Variants in RANBP2 observed in about 807,000 individuals in gnomAD.
RANBP2 encodes RAN binding protein 2.
Under a neutral mutation model 303.6 loss-of-function variants are expected in RANBP2, and 57 were observed. The observed-to-expected ratio is 0.19, with a 90% CI of 0.15 to 0.23. The LOEUF (loss-of-function observed/expected upper bound fraction) is 0.23. Ranked by LOEUF, RANBP2 falls within the 10% of genes least tolerant of loss-of-function variation. RANBP2 has a pLI of 1.00. For synonymous variants in RANBP2, 1,167 were observed against 1,301.5 expected, an observed-to-expected ratio of 0.90 and a Z score of 2.23; for missense variants, 3,138 against 3,780.8, an observed-to-expected ratio of 0.83 and a Z score of 4.46.
the RANBP2 span, among the ~76,000 whole-genome samples, chr2:109,132,922 A>G: frequency 1.3e-5 from 2 of 152,260 alleles, no homozygotes; most frequent in African/African-American, 2.4e-5. Flanking sequence ...GTGATTTAAT[A>G]AGGACTTGAA....
downstream of RANBP2, chr2:108,786,627 T>C: frequency 1.6e-6 from 1 of 619,256 alleles, no homozygotes; most frequent in East Asian, 3.0e-5. Context: ...AGGTGTGTAG[T>C]GCTAGCACGA....
chr2:109,460,459 A>G, the RANBP2 span, among the ~76,000 whole-genome samples: 115 of 152,252 alleles, frequency 7.6e-4, no homozygotes, highest in African/African-American at 2.4e-3. Context: ...GGTGAGTGGA[A>G]ATCCATGATG....
chr2:109,352,141 A>G, the RANBP2 span, among the ~76,000 whole-genome samples: 1 of 152,202 alleles, frequency 6.6e-6, no homozygotes, highest in African/African-American at 2.4e-5. Flanking sequence ...TTAGGATTAC[A>G]TGAGCAAAGG....
the RANBP2 span, chr2:109,449,312 G>A: frequency 1.3e-5 from 21 of 1,606,534 alleles, no homozygotes; most frequent in South Asian, 4.5e-5. Flanking sequence ...ACCAGCCCCC[G>A]GTGCAGATGT....
At chr2:109,129,245 C>T in the RANBP2 span, 2 of 573,706 alleles carry the variant, frequency 3.5e-6, no homozygotes, top group East Asian at 8.3e-5. Flanking sequence ...CACCCCCGGT[C>T]CCCCGCGCGG....
the RANBP2 span, among the ~76,000 whole-genome samples, chr2:109,318,027 G>A: frequency 6.6e-6 from 1 of 151,656 alleles, no homozygotes; most frequent in African/African-American, 2.4e-5. Context: ...AAAAAGCAAA[G>A]GGCAGGGAGG....
chr2:109,458,572 C>CAGAGAGAGAGAGAGAGAGAGAGAG, the RANBP2 span, among the ~76,000 whole-genome samples: 4,421 of 122,788 alleles, frequency 0.036, 517 homozygotes, highest in African/African-American at 0.039. Flanking sequence ...CAGCAGGAGA[C>CAGAGAGAGAGAGAGAGAGAGAGAG]AGAGAGAGAG....
chr2:109,556,119 T>A, the RANBP2 span, among the ~76,000 whole-genome samples: 1 of 152,194 alleles, frequency 6.6e-6, no homozygotes, highest in East Asian at 1.9e-4. Flanking sequence ...AGGAGGAAGA[T>A]TTAACCAGCA....
chr2:109,114,497 A>T, the RANBP2 span, among the ~76,000 whole-genome samples: 2 of 151,406 alleles, frequency 1.3e-5, no homozygotes, highest in African/African-American at 4.9e-5. Flanking sequence ...ATCATTTTTT[A>T]TTGCGTCTAT....
the RANBP2 span, among the ~76,000 whole-genome samples, chr2:108,880,618 C>G: frequency 6.6e-6 from 1 of 152,176 alleles, no homozygotes; most frequent in Non-Finnish European, 1.5e-5. Flanking sequence ...ATCCTAGGGC[C>G]CTTAAGAATT....
chr2:109,025,606 G>A, the RANBP2 span, among the ~76,000 whole-genome samples: 1 of 152,096 alleles, frequency 6.6e-6, no homozygotes, highest in Non-Finnish European at 1.5e-5. Context: ...AGGAGATCAA[G>A]AGCATCCTGG....
At chr2:109,132,627 C>T in the RANBP2 span, among the ~76,000 whole-genome samples, 2 of 152,192 alleles carry the variant, frequency 1.3e-5, no homozygotes, top group Non-Finnish European at 2.9e-5. Context: ...TTGGCAAATA[C>T]TATATGTGTG....
At chr2:109,181,005 T>C in the RANBP2 span, among the ~76,000 whole-genome samples, 1 of 152,192 alleles carries the variant, frequency 6.6e-6, no homozygotes, top group African/African-American at 2.4e-5. Flanking sequence ...CAATCCTACT[T>C]ACCAATTTTC....
At chr2:109,206,348 G>A in the RANBP2 span, among the ~76,000 whole-genome samples, 1 of 151,800 alleles carries the variant, frequency 6.6e-6, no homozygotes, top group South Asian at 2.1e-4. Context: ...AAAATTTGCC[G>A]GGCTTGGTGG....
the RANBP2 span, among the ~76,000 whole-genome samples, chr2:109,218,499 A>G: frequency 6.6e-6 from 1 of 152,210 alleles, no homozygotes; most frequent in Non-Finnish European, 1.5e-5. Context: ...TTAGGCAGAA[A>G]TAGAAGAGCA....
At chr2:109,079,978 G>A in the RANBP2 span, among the ~76,000 whole-genome samples, 1 of 152,174 alleles carries the variant, frequency 6.6e-6, no homozygotes, top group Non-Finnish European at 1.5e-5. Context: ...ACGCATTTCT[G>A]GGACGACAGA....
the RANBP2 span, among the ~76,000 whole-genome samples, chr2:108,997,151 T>A: frequency 6.6e-6 from 1 of 152,246 alleles, no homozygotes; most frequent in Non-Finnish European, 1.5e-5. Context: ...GCATAAGATG[T>A]CCTAGTATGG....
At chr2:109,459,018 A>G in the RANBP2 span, among the ~76,000 whole-genome samples, 6 of 152,142 alleles carry the variant, frequency 3.9e-5, no homozygotes, top group Non-Finnish European at 8.8e-5. Flanking sequence ...GCAAAGTCAT[A>G]CTTCTGCCTA....
the RANBP2 span, chr2:108,873,700 A>G: frequency 3.5e-3 from 2,296 of 661,696 alleles, 43 homozygotes; most frequent in South Asian, 0.037. Flanking sequence ...ATGAAGAAGA[A>G]TTGCCTTGTG....
Sources: gnomAD v4.1 joint callset for allele counts (sites outside exome capture counted in the v4.1 genomes callset) on GRCh38, gnomAD v4.1.1 for gene constraint, MANE v1.5 for transcripts, NCBI Gene and HGNC (gene_info 2026-07-23, HGNC 2026-07-21) for gene names.